ADGRB1: variants seen among roughly 807,000 people sequenced by gnomAD.
ADGRB1 encodes adhesion G protein-coupled receptor B1.
In ADGRB1, 36 loss-of-function variants were observed where a neutral mutation model predicts 175.7. The observed-to-expected ratio is 0.20, with a 90% CI of 0.16 to 0.27. ADGRB1 has a LOEUF of 0.27. Among genes scored for constraint, ADGRB1 ranks in the 10% least tolerant of loss-of-function variants. ADGRB1 has a pLI of 1.00. For synonymous variants in ADGRB1, 1,054 were observed against 979.4 expected (o/e 1.08, Z -1.42); for missense variants, 1,731 against 2,255.3 (o/e 0.77, Z 4.71).
intron 24 of ADGRB1, among the ~76,000 whole-genome samples, chr8:142,532,039 C>T (rs751479806): frequency 6.6e-5 from 10 of 152,138 alleles, no homozygotes; most frequent in Non-Finnish European, 1.5e-4. Flanking sequence ...ATTCCAGCAT[C>T]TCTCCTGCCA....
chr8:142,462,839 G>C (rs1289280442), intron 1 of ADGRB1, among the ~76,000 whole-genome samples: 46 of 152,206 alleles, frequency 3.0e-4, no homozygotes, highest in Admixed American at 3.0e-3. Flanking sequence ...AGGAGACTGA[G>C]GTCTGTAGGC....
At chr8:142,516,936 C>T (rs1843482886) in intron 18 of ADGRB1, among the ~76,000 whole-genome samples, 1 of 152,208 alleles carries the variant, frequency 6.6e-6, no homozygotes, top group Non-Finnish European at 1.5e-5. Context: ...CACCTGACTT[C>T]CCTGTCTGTC....
chr8:142,514,074 GGA>G (rs1488182150), intron 18 of ADGRB1, among the ~76,000 whole-genome samples: 1 of 152,176 alleles, frequency 6.6e-6, no homozygotes, highest in African/African-American at 2.4e-5. Context: ...GGCTGGGCAG[GGA>G]GAGAGAGGGG....
At chr8:142,517,130 G>C (rs961665820) in intron 18 of ADGRB1, among the ~76,000 whole-genome samples, 1 of 152,186 alleles carries the variant, frequency 6.6e-6, no homozygotes, top group South Asian at 2.1e-4. Context: ...GAACCAGGGG[G>C]CCTGGGGGGC....
chr8:142,525,807 G>C (rs1393931409), intron 23 of ADGRB1, among the ~76,000 whole-genome samples: 1 of 152,146 alleles, frequency 6.6e-6, no homozygotes, highest in African/African-American at 2.4e-5. Flanking sequence ...CGGGGTCCTA[G>C]CAGCATCTTT....
rs894047706 is a variant in ADGRB1, at chr8:142,459,358, C to T, written c.-219-4622C>T. Among the ~76,000 whole-genome samples, 5 of 152,264 alleles carry T rather than the reference C, an allele frequency of 3.3e-5. No individual in the cohort carries two copies. In the South Asian group the frequency reaches 6.2e-4, roughly 19 times the overall value. ...GAGGGGACCTGGGAGCTGGTGTGGC[C>T]GAGGGGAGGAGGGTGAGCCAGCCCA... On this transcript the variant is annotated intron_variant, in intron 1 of 30. Transcript: ENST00000517894.
rs185784984 is a variant in ADGRB1 at position 142,485,837 on chromosome 8, G to T, written c.2308+1073G>T. 2.1e-3 allele frequency among the ~76,000 whole-genome samples: 320 copies of T among 152,308 alleles called. 3 individuals are homozygous for T. The highest frequency in any genetic ancestry group is 3.2e-3 in the Non-Finnish European group (218 of 68,026). On this transcript the variant is annotated intron_variant, in intron 13 of 30. Coordinates refer to ENST00000517894, the MANE Select transcript of ADGRB1 (RefSeq NM_001702.3). ...TGTCACTGAAGGGGTAATCTATAAA[G>T]ATGAGAGGTTCTGGAGGCCGGAAAG...
chr8:142,528,752 G>A (rs910824607), intron 24 of ADGRB1, among the ~76,000 whole-genome samples: 9 of 151,994 alleles, frequency 5.9e-5, no homozygotes, highest in African/African-American at 1.9e-4. Flanking sequence ...CTTTTCTACC[G>A]TCCACTCTGG....
chr8:142,522,577 G>C, intron 21 of ADGRB1, 64 bp from the exon 22 acceptor site: 3 of 1,462,660 alleles, frequency 2.1e-6, no homozygotes, highest in Non-Finnish European at 1.8e-6. Context: ...GCAGGGCTAG[G>C]AGGAGGTGGA....
In ADGRB1 at chr8:142,474,986, G is replaced by A. The variant is rs2131773295; in HGVS notation, c.785-488G>A. Among the ~76,000 whole-genome samples, 1 of 152,266 alleles carries A rather than the reference G, an allele frequency of 6.6e-6. No homozygotes were observed. Among genetic ancestry groups the A allele is most frequent in the African/African-American group, 2.4e-5 (1 of 41,554 alleles). On this transcript the variant is annotated intron_variant, in intron 2 of 30. Transcript: ENST00000517894. This position sits in a 1 kb window ranked among gnomAD's most constrained non-coding sequence, Gnocchi z 5.8. ...AGCGGCTCCAGGTCACAGCTGGGGTGTGAAATGTGGAGCCCTGGTGATGAG... is the reference window on the plus strand; with the variant it reads ...AGCGGCTCCAGGTCACAGCTGGGGTATGAAATGTGGAGCCCTGGTGATGAG...
At chr8:142,518,973 G>A (rs1057487923) in intron 19 of ADGRB1, among the ~76,000 whole-genome samples, 2 of 152,210 alleles carry the variant, frequency 1.3e-5, no homozygotes, top group East Asian at 1.9e-4. Flanking sequence ...GCTGCCCAAG[G>A]TCGGGCATCG....
At chr8:142,502,770 ATGT>A (rs1842686387) in intron 17 of ADGRB1, among the ~76,000 whole-genome samples, 1 of 151,208 alleles carries the variant, frequency 6.6e-6, no homozygotes, top group Admixed American at 6.6e-5. Flanking sequence ...GGTATTTATG[ATGT>A]TGATGGTGTC....
intron 24 of ADGRB1, among the ~76,000 whole-genome samples, chr8:142,529,638 G>A (rs1844478272): frequency 6.6e-6 from 1 of 151,326 alleles, no homozygotes; most frequent in Non-Finnish European, 1.5e-5. Context: ...GTGTGAGCAT[G>A]CATCTGTATA....
At chr8:142,520,801 T>C in intron 19 of ADGRB1, 22 bp from the exon 20 acceptor site, 1 of 1,605,170 alleles carries the variant, frequency 6.2e-7, no homozygotes, top group East Asian at 2.2e-5. Context: ...GTGCTGACCT[T>C]GGGCCCCTGC....
intron 12 of ADGRB1, 42 bp downstream of exon 12, chr8:142,484,087 T>G: frequency 6.4e-7 from 1 of 1,569,780 alleles, no homozygotes. Context: ...TCAGGAGGGG[T>G]GCAGGCACAG....
chr8:142,520,766 C>A, intron 19 of ADGRB1, 57 bp from the exon 20 acceptor site: 2 of 1,467,796 alleles, frequency 1.4e-6, no homozygotes, highest in Non-Finnish European at 1.9e-6. Flanking sequence ...GGACCACAGC[C>A]CCTGTGCAGA....
At chr8:142,495,850 T>C (rs1389527337) in intron 17 of ADGRB1, among the ~76,000 whole-genome samples, 4 of 150,250 alleles carry the variant, frequency 2.7e-5, no homozygotes. Context: ...GACTTGGACA[T>C]ATATTGGGGA....
At chr8:142,479,908 C>T in intron 9 of ADGRB1, 114 bp downstream of exon 9, 1 of 1,183,616 alleles carries the variant, frequency 8.4e-7, no homozygotes, top group Non-Finnish European at 1.2e-6. Flanking sequence ...GCCCAGACAG[C>T]CTGCGTGTGC....
intron 26 of ADGRB1, among the ~76,000 whole-genome samples, chr8:142,538,235 G>A (rs895094387): frequency 6.6e-6 from 1 of 152,218 alleles, no homozygotes; most frequent in Non-Finnish European, 1.5e-5. Context: ...CTGGTGCGCG[G>A]GAGGTGCTCC....
Sources: gnomAD v4.1 joint callset for allele counts (sites outside exome capture counted in the v4.1 genomes callset) on GRCh38, gnomAD v4.1.1 for gene constraint, Gnocchi (gnomAD v3.1) non-coding constraint, MANE v1.5 for transcripts, NCBI Gene and HGNC (gene_info 2026-07-23, HGNC 2026-07-21) for gene names.